The following RAD51B variants were observed in gnomAD, a reference collection of about 807,000 sequenced individuals.
The protein encoded by RAD51B is RAD51 paralog B.
Under a neutral mutation model 42.2 loss-of-function variants are expected in RAD51B, and 38 were observed. The ratio of observed to expected loss-of-function variants is 0.90; its 90% CI spans 0.70 to 1.18. The LOEUF is 1.18. RAD51B is among the 50% of genes most tolerant of loss of function. The pLI is 0.00. For synonymous variants in RAD51B, 154 were observed against 145.2 expected (o/e 1.06, Z -0.43); for missense variants, 373 against 400.7 (o/e 0.93, Z 0.59).
chr14:68,523,473 G>A (rs1166581242), intron 10 of RAD51B, among the ~76,000 whole-genome samples: 1 of 152,164 alleles, frequency 6.6e-6, no homozygotes, highest in Admixed American at 6.5e-5. Flanking sequence ...TGTCTGGGAG[G>A]TTCCCTTTTG....
chr14:68,421,082 G>T (rs2084687489), intron 9 of RAD51B, among the ~76,000 whole-genome samples: 1 of 152,116 alleles, frequency 6.6e-6, no homozygotes, highest in Non-Finnish European at 1.5e-5. Flanking sequence ...TCCCACCCTG[G>T]GGCAGGAACA....
chr14:67,824,126 A>G (rs566793228), intron 2 of RAD51B, among the ~76,000 whole-genome samples: 79 of 152,364 alleles, frequency 5.2e-4, no homozygotes, highest in Non-Finnish European at 8.4e-4. Context: ...CTAGGTTCTC[A>G]TGCTGCCCCA....
chr14:67,923,223 G>GTA (rs893712589), intron 7 of RAD51B, among the ~76,000 whole-genome samples: 2 of 150,978 alleles, frequency 1.3e-5, no homozygotes, highest in South Asian at 2.1e-4. Context: ...CAGCTGAGTA[G>GTA]TATTCCACAG....
downstream of RAD51B, chr14:68,478,224 A>T: frequency 1.0e-6 from 1 of 973,660 alleles, no homozygotes; most frequent in Non-Finnish European, 1.2e-6. Context: ...AGGGAGGTCG[A>T]TGGGCTCAGA....
intron 11 of RAD51B, among the ~76,000 whole-genome samples, chr14:68,663,749 A>G (rs1426400705): frequency 6.6e-6 from 1 of 152,192 alleles, no homozygotes; most frequent in Non-Finnish European, 1.5e-5. Flanking sequence ...TAAGAGTTAA[A>G]GGCACGGAAT....
intron 7 of RAD51B, among the ~76,000 whole-genome samples, chr14:68,156,008 G>C (rs955710529): frequency 6.6e-6 from 1 of 152,178 alleles, no homozygotes; most frequent in African/African-American, 2.4e-5. Flanking sequence ...TATCTTGGAA[G>C]ATCTTTTTGT....
At chr14:67,985,937 A>C (rs1014208077) in intron 7 of RAD51B, among the ~76,000 whole-genome samples, 3 of 152,026 alleles carry the variant, frequency 2.0e-5, no homozygotes, top group African/African-American at 7.2e-5. Context: ...GAAAGAAATA[A>C]AGAAAAGTAA....
chr14:68,511,575 T>C (rs994437184), intron 10 of RAD51B, among the ~76,000 whole-genome samples: 1 of 152,196 alleles, frequency 6.6e-6, no homozygotes. Flanking sequence ...TCTGGGAGAA[T>C]TGCTATTAAA....
At chr14:68,474,939 A>T (rs1360374280) in intron 10 of RAD51B, among the ~76,000 whole-genome samples, 1 of 152,204 alleles carries the variant, frequency 6.6e-6, no homozygotes, top group Non-Finnish European at 1.5e-5. Flanking sequence ...CTGGTTTGGC[A>T]GCTTAGCTCT....
chr14:67,899,317 G>A (rs1054961494), intron 7 of RAD51B, among the ~76,000 whole-genome samples: 6 of 152,022 alleles, frequency 3.9e-5, no homozygotes, highest in African/African-American at 1.2e-4. Context: ...CCAAAGTGCT[G>A]GGATTACAGG....
intron 8 of RAD51B, among the ~76,000 whole-genome samples, chr14:68,361,132 G>GGA (rs2083016009): frequency 6.6e-6 from 1 of 152,174 alleles, no homozygotes; most frequent in Non-Finnish European, 1.5e-5. Context: ...TGGGAGACAA[G>GGA]GAGGGCAGGA....
intron 11 of RAD51B, chr14:68,682,926 T>TTTTG: frequency 1.0e-6 from 1 of 963,170 alleles, no homozygotes; most frequent in Non-Finnish European, 1.2e-6. Context: ...TTTTTTTTTT[T>TTTTG]TTTTGTATAG....
chr14:68,380,124 G>A (rs2083451635), intron 8 of RAD51B, among the ~76,000 whole-genome samples: 1 of 152,172 alleles, frequency 6.6e-6, no homozygotes, highest in Non-Finnish European at 1.5e-5. Flanking sequence ...CTTTCTCAAA[G>A]CATCCGGGTT....
chr14:68,679,884 T>C (rs973329076), intron 11 of RAD51B, among the ~76,000 whole-genome samples: 11 of 152,362 alleles, frequency 7.2e-5, no homozygotes, highest in Admixed American at 6.5e-4. Context: ...TGCACTTCTT[T>C]CCAGTAGTGT....
chr14:68,539,143 A>G (rs960794887), intron 10 of RAD51B, among the ~76,000 whole-genome samples: 1 of 152,182 alleles, frequency 6.6e-6, no homozygotes, highest in African/African-American at 2.4e-5. Context: ...ACAGCTAGGA[A>G]CTTCAAGAGA....
chr14:68,095,093 A>T (rs2077169217), intron 7 of RAD51B, among the ~76,000 whole-genome samples: 1 of 152,210 alleles, frequency 6.6e-6, no homozygotes. Flanking sequence ...CCTGGCAAGC[A>T]TAGGTTTATA....
chr14:68,209,566 G>A (rs2079659774), intron 7 of RAD51B, among the ~76,000 whole-genome samples: 1 of 152,088 alleles, frequency 6.6e-6, no homozygotes, highest in Non-Finnish European at 1.5e-5. Flanking sequence ...ACATTTAAAA[G>A]AGCAGAAGTG....
intron 7 of RAD51B, among the ~76,000 whole-genome samples, chr14:68,151,307 T>A (rs922501788): frequency 6.6e-6 from 1 of 151,906 alleles, no homozygotes; most frequent in Non-Finnish European, 1.5e-5. Flanking sequence ...CATATATATA[T>A]AATTTTTTTA....
At chr14:68,463,423 T>A (rs533462033) in intron 9 of RAD51B, among the ~76,000 whole-genome samples, 22 of 152,300 alleles carry the variant, frequency 1.4e-4, no homozygotes, top group Middle Eastern at 3.4e-3. Flanking sequence ...ACTACTAGCA[T>A]ATAATATTAC....
Sources: gnomAD v4.1 joint callset for allele counts (sites outside exome capture counted in the v4.1 genomes callset) on GRCh38, gnomAD v4.1.1 for gene constraint, MANE v1.5 for transcripts, NCBI Gene and HGNC (gene_info 2026-07-23, HGNC 2026-07-21) for gene names.